The following PSMD4 variants were observed in gnomAD, a reference collection of about 807,000 sequenced individuals.
PSMD4 encodes proteasome 26S subunit ubiquitin receptor, non-ATPase 4.
In PSMD4, 5 loss-of-function variants were observed where a neutral mutation model predicts 39.7. The ratio of observed to expected loss-of-function variants is 0.13; its 90% CI spans 0.07 to 0.26. The LOEUF (loss-of-function observed/expected upper bound fraction) is 0.26. Ranked by LOEUF, PSMD4 falls within the 10% of genes least tolerant of loss-of-function variation. The probability of loss-of-function intolerance (pLI) is 1.00; values close to 1 mark genes in which losing one functional copy is unlikely to be tolerated. For missense variants in PSMD4, 272 were observed against 486.1 expected (o/e 0.56, Z 4.14); for synonymous variants, 143 against 174.6 (o/e 0.82, Z 1.43).
rs1693394052 is a variant in PSMD4 at position 151,264,872 on chromosome 1, G to A, written c.323G>A (p.Arg108His). ...KHRQGKNHKM[R>H]IIAFVGSPVE... is the part of the protein sequence containing the mutation. ...CGACAAGGCAAGAATCACAAGATGC[G>A]CATCATTGCCTTTGTGGGAAGCCCA... The change falls in exon 4 of 10, where the codon CGC becomes CAC. Residue 108 changes from arginine (R) to histidine (H), a missense_variant. Physicochemically the swap from Arg to His is conservative, Grantham distance 29. Coordinates refer to ENST00000368884, the MANE Select transcript of PSMD4 (RefSeq NM_002810.4). 1.9e-6 allele frequency: 3 copies of A among 1,613,636 alleles called. No homozygotes were observed. Among genetic ancestry groups the A allele is most frequent in the Admixed American group, 1.7e-5 (1 of 59,942 alleles).
chr1:151,266,442 G>T lies in PSMD4; in HGVS notation c.895+3G>T, dbSNP rs776801883. ...GCAGATGTCCCTGCAGGGAGCAGGT[G>T]AGCCAGAGCCTGGGTGGTGCCTAGG... On this transcript the variant is annotated splice_donor_region_variant and intron_variant, in intron 8 of 9. Transcript: ENST00000368884. 1.2e-6 allele frequency: 2 copies of T among 1,614,234 alleles called. No homozygotes were observed. The highest frequency in any genetic ancestry group is 3.3e-5 in the Admixed American group (2 of 60,020).
At chr1:151,261,180 CTT>C (rs587653164) in intron 1 of PSMD4, among the ~76,000 whole-genome samples, 17 of 120,002 alleles carry the variant, frequency 1.4e-4, no homozygotes, top group African/African-American at 4.1e-4. Context: ...TTTTCTTTTT[CTT>C]TTTTTTTTTT....
intron 1 of PSMD4, among the ~76,000 whole-genome samples, chr1:151,261,427 G>C (rs923720644): frequency 6.6e-6 from 1 of 151,116 alleles, no homozygotes; most frequent in Non-Finnish European, 1.5e-5. Context: ...CACCTGCCTC[G>C]GCCTCCCAAA....
chr1:151,262,521 G>A (rs960181478), intron 2 of PSMD4: 10 of 568,456 alleles, frequency 1.8e-5, no homozygotes, highest in Non-Finnish European at 2.5e-5. Context: ...TCTTTTTATT[G>A]TTTGTTGGGC....
intron 3 of PSMD4, 46 bp downstream of exon 3, chr1:151,264,074 TC>T: frequency 7.2e-7 from 1 of 1,386,434 alleles, no homozygotes; most frequent in South Asian, 1.2e-5. Flanking sequence ...TGCTCTGAGG[TC>T]CTGCCTCCAT....
intron 7 of PSMD4, 25 bp from the exon 8 acceptor site, chr1:151,266,283 C>T (rs1693447522): frequency 6.2e-7 from 1 of 1,613,774 alleles, no homozygotes; most frequent in African/African-American, 1.3e-5. Flanking sequence ...CCAATTCTAC[C>T]CTGCTCCTCT....
At chr1:151,261,472 G>T (rs1227282303) in intron 1 of PSMD4, among the ~76,000 whole-genome samples, 1 of 152,102 alleles carries the variant, frequency 6.6e-6, no homozygotes, top group Non-Finnish European at 1.5e-5. Flanking sequence ...ACCGCGCCCA[G>T]CTATAGATAT....
chr1:151,266,147 G>T, intron 7 of PSMD4, 35 bp downstream of exon 7: 1 of 1,592,986 alleles, frequency 6.3e-7, no homozygotes, highest in South Asian at 1.2e-5. Flanking sequence ...CTGGGACTGC[G>T]GGATGCTAAA....
chr1:151,257,730 T>TTTGTA (rs1693210946), intron 1 of PSMD4, among the ~76,000 whole-genome samples: 2 of 146,350 alleles, frequency 1.4e-5, no homozygotes, highest in South Asian at 4.3e-4. Context: ...TTTTTTTTTT[T>TTTGTA]TTTTTTTGTA....
At chr1:151,262,541 G>A (rs1693339643) in intron 2 of PSMD4, 2 of 509,778 alleles carry the variant, frequency 3.9e-6, no homozygotes, top group Non-Finnish European at 7.0e-6. Context: ...CAGGGCTAGG[G>A]TAGGGGGTGA....
rs761853433 is a variant in PSMD4, at chr1:151,266,377, T to C, written c.833T>C (p.Leu278Pro). 23 of 1,614,066 alleles carry C rather than the reference T, an allele frequency of 1.4e-5. No homozygotes were observed. The highest frequency in any genetic ancestry group is 2.7e-5 in the African/African-American group (2 of 74,918). ...TTTGGCCGCACTGGGCTTCCTGACC[T>C]AAGCAGTATGACTGAGGAAGAGCAG... ...QEFGRTGLPD[L>P]SSMTEEEQIA... Residue 278 changes from leucine (L) to proline (P), a missense_variant, in exon 8 of 10, where the codon CTA becomes CCA. Physicochemically the swap from Leu to Pro is moderately conservative, Grantham distance 98 (BLOSUM62 -3). Transcript: ENST00000368884.
In PSMD4 at chr1:151,264,860, A is replaced by T. The variant is rs755334274; in HGVS notation, c.311A>T (p.Asn104Ile). 1 of 1,613,828 alleles carries T rather than the reference A, an allele frequency of 6.2e-7. No individual in the cohort carries two copies. The highest frequency in any genetic ancestry group is 1.3e-5 in the African/African-American group (1 of 74,928). ...HLALKHRQGK[N>I]HKMRIIAFVG... The stretch of plus-strand genomic sequence containing the variant: ...GCTCTGAAGCACCGACAAGGCAAGA[A>T]TCACAAGATGCGCATCATTGCCTTT... Residue 104 changes from asparagine (N) to isoleucine (I), a missense_variant, in exon 4 of 10, where the codon AAT (asparagine) becomes ATT (isoleucine). By Grantham distance (149) the Asn-to-Ile change is moderately radical (BLOSUM62 -3). Around this residue, in one of 3 missense-constraint regions of PSMD4, gnomAD observed 153 missense variants for 257.6 expected, o/e 0.59. Transcript: ENST00000368884.
At chr1:151,259,209 C>T (rs984425086) in intron 1 of PSMD4, 12 of 152,272 alleles carry the variant, frequency 7.9e-5, no homozygotes, top group African/African-American at 2.6e-4. Context: ...TGCCTGAATA[C>T]TACCCTAGAC....
At chr1:151,265,929 C>T (rs1693438986) in intron 6 of PSMD4, 75 bp from the exon 7 acceptor site, 5 of 1,493,126 alleles carry the variant, frequency 3.3e-6, no homozygotes, top group Non-Finnish European at 4.5e-6. Context: ...TCCTTTCCCA[C>T]ACCCCAACTG....
In PSMD4 at chr1:151,267,405, G is replaced by A; in HGVS notation, c.*62G>A. 1 of 1,546,950 alleles carries A rather than the reference G, an allele frequency of 6.5e-7. No homozygotes were observed. Among genetic ancestry groups the A allele is most frequent in the Admixed American group, 1.8e-5 (1 of 54,440 alleles). On this transcript the variant is annotated 3_prime_UTR_variant, in exon 10 of 10. Coordinates refer to ENST00000368884, the MANE Select transcript of PSMD4 (RefSeq NM_002810.4). ...ACTGCATGGGAAGCACGGAATATAG[G>A]GTTAGATGTGTGTTATCTGTAACCA...
At chr1:151,254,855 G>C in intron 1 of PSMD4, 47 bp downstream of exon 1, 4 of 1,456,856 alleles carry the variant, frequency 2.7e-6, no homozygotes, top group Non-Finnish European at 3.6e-6. Flanking sequence ...GGTTCCGGGC[G>C]CGTGTAGCGC....
chr1:151,266,455 G>C lies in PSMD4; in HGVS notation c.895+16G>C, dbSNP rs770581105. 11 of 1,614,086 alleles carry C rather than the reference G, an allele frequency of 6.8e-6. No individual in the cohort carries two copies. The highest frequency in any genetic ancestry group is 9.3e-6 in the Non-Finnish European group (11 of 1,180,058). ...CAGGGAGCAGGTGAGCCAGAGCCTG[G>C]GTGGTGCCTAGGCAGAGGTTGGGGT... is the stretch of plus-strand genomic sequence containing the variant. On this transcript the variant is annotated intron_variant, in intron 8 of 9. Transcript: ENST00000368884.
At chr1:151,266,941 G>A (rs772537094) in intron 9 of PSMD4, 52 of 711,248 alleles carry the variant, frequency 7.3e-5, no homozygotes, top group Non-Finnish European at 1.3e-4. Flanking sequence ...TCTCCTCAGA[G>A]CTCAATTAAC....
At chr1:151,257,737 T>G (rs1270920711) in intron 1 of PSMD4, among the ~76,000 whole-genome samples, 3 of 145,282 alleles carry the variant, frequency 2.1e-5, no homozygotes, top group African/African-American at 7.7e-5. Context: ...TTTTTTTTTT[T>G]GTATTTTTAG....
Sources: gnomAD v4.1 joint callset for allele counts (sites outside exome capture counted in the v4.1 genomes callset) on GRCh38, gnomAD v4.1.1 for gene constraint, gnomAD v4.1.1 regional missense constraint, MANE v1.5 for transcripts, NCBI Gene and HGNC (gene_info 2026-07-23, HGNC 2026-07-21) for gene names.